RAB19: variants seen among roughly 807,000 people sequenced by gnomAD.
RAB19 encodes the protein ras-related protein Rab-19.
RAB19 carries 21 observed loss-of-function variants against 17.3 expected under a neutral mutation model. The observed-to-expected ratio is 1.21, with a 90% CI of 0.86 to 1.74. The LOEUF (loss-of-function observed/expected upper bound fraction) is 1.74, where lower values mean the gene tolerates loss of function less well. Ranked by LOEUF, RAB19 falls within the 40% of genes most tolerant of loss-of-function variation. The pLI is 0.00. For synonymous variants in RAB19, 126 were observed against 110.4 expected (o/e 1.14, Z -0.88); for missense variants, 277 against 286.8 (o/e 0.97, Z 0.25).
In RAB19 at chr7:140,427,138, G is replaced by GGCACAAT. The variant is rs1799685996; in HGVS notation, c.*988_*989insGCACAAT. On this transcript the variant is annotated 3_prime_UTR_variant, in exon 4 of 4. Transcript: ENST00000537763. The stretch of plus-strand genomic sequence containing the variant: ...ATTACAGGCATGAGCCACCATGCCT[G>GGCACAAT]TTCTTTTTTTTTTTTTTTTTTTTTG... 8.4e-6 allele frequency among the ~76,000 whole-genome samples: 1 copy of GGCACAAT among 119,318 alleles called. No homozygotes were observed. The highest frequency in any genetic ancestry group is 1.7e-5 in the Non-Finnish European group (1 of 59,572). The allele number at this position is 119,318 out of a possible 152,430, so 78.3% of individuals were successfully genotyped here.
intron 3 of RAB19, 83 bp from the exon 4 acceptor site, chr7:140,425,799 C>T (rs1028458167): frequency 2.0e-5 from 29 of 1,447,156 alleles, no homozygotes; most frequent in Non-Finnish European, 2.6e-5. Flanking sequence ...TATTGAAGAA[C>T]TAAAATGTTA....
chr7:140,418,793 A>G (rs1270397654), intron 3 of RAB19, among the ~76,000 whole-genome samples: 1 of 150,162 alleles, frequency 6.7e-6, no homozygotes, highest in Non-Finnish European at 1.5e-5. Flanking sequence ...CAGGAGGTAG[A>G]GTCTGCAGTG....
In RAB19 at chr7:140,427,522, G is replaced by A. The variant is rs1483796499; in HGVS notation, c.*1372G>A. On this transcript the variant is annotated 3_prime_UTR_variant, in exon 4 of 4. Coordinates refer to ENST00000537763, the MANE Select transcript of RAB19 (RefSeq NM_001008749.3). ...GCTGGAGTGCAATGGTGTGACCTCGGCTCACTGCAACTTCTGCCTTCCAGA... is the reference window on the plus strand; with the variant it reads ...GCTGGAGTGCAATGGTGTGACCTCGACTCACTGCAACTTCTGCCTTCCAGA... Among the ~76,000 whole-genome samples, 1 of 147,714 alleles carries A rather than the reference G, an allele frequency of 6.8e-6. No individual in the cohort carries two copies. Among genetic ancestry groups the A allele is most frequent in the Non-Finnish European group, 1.5e-5 (1 of 67,380 alleles).
chr7:140,411,126 G>T (rs192528591), intron 2 of RAB19: 1 of 1,366,372 alleles, frequency 7.3e-7, no homozygotes, highest in East Asian at 4.5e-5. Context: ...TCGGCCGGGC[G>T]CAGTGGCTCA....
In RAB19 at chr7:140,427,828, G is replaced by A. The variant is rs74484995; in HGVS notation, c.*1678G>A. Reference sequence around the variant, plus strand: ...TGGTCTCCAATTCCTGAGCTCACAGGTTTCTCCCACCTCAGCCTCCCAAAG... The same window carrying A: ...TGGTCTCCAATTCCTGAGCTCACAGATTTCTCCCACCTCAGCCTCCCAAAG... On this transcript the variant is annotated 3_prime_UTR_variant, in exon 4 of 4. Transcript: ENST00000537763. Among the ~76,000 whole-genome samples, 1,636 of 150,838 alleles carry A rather than the reference G, an allele frequency of 0.011. 10 individuals carry two copies. The highest frequency in any genetic ancestry group is 0.024 in the Middle Eastern group (7 of 286).
In RAB19 at chr7:140,427,340, G is replaced by A; in HGVS notation, c.*1190G>A. 6.6e-6 allele frequency among the ~76,000 whole-genome samples: 1 copy of A among 150,430 alleles called. No homozygotes were observed. Among genetic ancestry groups the A allele is most frequent in the East Asian group, 2.0e-4 (1 of 5,110 alleles). On this transcript the variant is annotated 3_prime_UTR_variant, in exon 4 of 4. Coordinates refer to ENST00000537763, the MANE Select transcript of RAB19 (RefSeq NM_001008749.3). The stretch of plus-strand genomic sequence containing the variant: ...TCATTTTTTTTGTATATTTAGTAGA[G>A]ACTGGGTTTCACTACGTTGGTCAGG...
At chr7:140,419,044 G>A (rs570035338) in intron 3 of RAB19, among the ~76,000 whole-genome samples, 24 of 147,290 alleles carry the variant, frequency 1.6e-4, no homozygotes, top group Admixed American at 2.8e-4. Context: ...GTTTTGGTGG[G>A]TTTTTTGTTT....
chr7:140,405,417 T>C (rs375899918), intron 1 of RAB19, among the ~76,000 whole-genome samples: 1 of 152,148 alleles, frequency 6.6e-6, no homozygotes, highest in African/African-American at 2.4e-5. Flanking sequence ...AGATGGGGTT[T>C]CACCATGTTG....
Position 140,407,771 on chromosome 7 carries a change from A to G in RAB19, c.125A>G (p.Tyr42Cys). 4 of 1,614,000 alleles carry G rather than the reference A, an allele frequency of 2.5e-6. No individual in the cohort carries two copies. Among genetic ancestry groups the G allele is most frequent in the Non-Finnish European group, 1.7e-6 (2 of 1,180,010 alleles). The change falls in exon 2 of 4, where the codon TAC becomes TGC. Residue 42 changes from tyrosine to cysteine, a missense_variant. Tyr to Cys is a radical substitution (Grantham distance 194). Transcript: ENST00000537763. ...CVVQHFKSGV[Y>C]TETQQNTIGV... is the part of the protein sequence containing the mutation. The stretch of plus-strand genomic sequence containing the variant: ...GTGCAGCATTTCAAGTCTGGAGTCT[A>G]CACTGAGACACAGCAGAACACGATT...
chr7:140,407,394 C>T (rs1022049435), intron 1 of RAB19, among the ~76,000 whole-genome samples: 3 of 152,130 alleles, frequency 2.0e-5, no homozygotes, highest in Non-Finnish European at 2.9e-5. Context: ...GTCCACTGGA[C>T]CCACCAGAGA....
chr7:140,418,335 T>C (rs1184609251), intron 3 of RAB19, among the ~76,000 whole-genome samples: 1 of 142,926 alleles, frequency 7.0e-6, no homozygotes, highest in African/African-American at 2.6e-5. Context: ...GTGGATTGCC[T>C]GAGCTCAGGA....
At chr7:140,414,350 C>A (rs1202328568) in intron 3 of RAB19, among the ~76,000 whole-genome samples, 2 of 152,076 alleles carry the variant, frequency 1.3e-5, no homozygotes, top group African/African-American at 4.8e-5. Context: ...CCCCTCTGTG[C>A]TATCTCTGAA....
chr7:140,426,187 C>G lies in RAB19; in HGVS notation c.*37C>G. On this transcript the variant is annotated 3_prime_UTR_variant, in exon 4 of 4. Coordinates refer to ENST00000537763, the MANE Select transcript of RAB19 (RefSeq NM_001008749.3). ...AGCCAGTTGCACCCACCAAAGAGGC[C>G]GCCTCTGAAACCAAAGGTAGCCAGG... is the stretch of plus-strand genomic sequence containing the variant. 5 of 1,591,940 alleles carry G rather than the reference C, an allele frequency of 3.1e-6. No homozygotes were observed. Among genetic ancestry groups the G allele is most frequent in the Non-Finnish European group, 3.4e-6 (4 of 1,168,736 alleles).
In RAB19 at chr7:140,425,491, C is replaced by A. The variant is rs4726806; in HGVS notation, c.386-391C>A. 9.1e-3 allele frequency among the ~76,000 whole-genome samples: 1,377 copies of A among 151,670 alleles called. 19 individuals carry two copies. Among genetic ancestry groups the A allele is most frequent in the African/African-American group, 0.032 (1,320 of 41,384 alleles). Reference sequence around the variant, plus strand: ...CTATAATCCCAGCACTTTCGGAGGCCGAAGCAGGCGATCACCTGAGGTCAG... The same window carrying A: ...CTATAATCCCAGCACTTTCGGAGGCAGAAGCAGGCGATCACCTGAGGTCAG... On this transcript the variant is annotated intron_variant, in intron 3 of 3. Transcript: ENST00000537763.
intron 3 of RAB19, among the ~76,000 whole-genome samples, chr7:140,417,218 A>G (rs1799475439): frequency 7.0e-6 from 1 of 142,990 alleles, no homozygotes; most frequent in Non-Finnish European, 1.5e-5. Context: ...CCTGGGTGAC[A>G]GAGCGAGACT....
At chr7:140,413,437 G>A (rs1017888617) in intron 3 of RAB19, among the ~76,000 whole-genome samples, 6 of 152,054 alleles carry the variant, frequency 3.9e-5, no homozygotes, top group South Asian at 2.1e-4. Context: ...GGCCAGGCAC[G>A]GTGGTTCATG....
chr7:140,424,756 T>C (rs1377567613), intron 3 of RAB19, among the ~76,000 whole-genome samples: 2 of 151,102 alleles, frequency 1.3e-5, no homozygotes, highest in East Asian at 1.9e-4. Context: ...GGTTTAAACA[T>C]GTTTTATGGA....
Position 140,426,066 on chromosome 7 carries a change from G to C in RAB19, c.570G>C (p.Glu190Asp). Residue 190 changes from glutamate (E) to aspartate (D), a missense_variant, in exon 4 of 4, where the codon GAG becomes GAC. Physicochemically the swap from Glu to Asp is conservative, Grantham distance 45. Transcript: ENST00000537763. ...GCAACAGCCTGCACCTATATGGGGA[G>C]AGTGCCCTGAACGGCCTCCCCCTGG... ...IARNSLHLYG[E>D]SALNGLPLDS... The C allele has an allele frequency of 1.2e-6, 2 of 1,614,156 alleles. No homozygotes were observed. The highest frequency in any genetic ancestry group is 8.5e-7 in the Non-Finnish European group (1 of 1,180,032).
chr7:140,423,689 A>G (rs1423493775), intron 3 of RAB19, among the ~76,000 whole-genome samples: 1 of 152,204 alleles, frequency 6.6e-6, no homozygotes, highest in Admixed American at 6.5e-5. Context: ...GGTGAGAGTT[A>G]TAAAGGAATA....
Sources: allele counts gnomAD v4.1 joint callset (sites outside exome capture counted in the v4.1 genomes callset), GRCh38; gene constraint gnomAD v4.1.1; transcripts MANE v1.5; gene names NCBI Gene and HGNC (gene_info 2026-07-23, HGNC 2026-07-21).